DLG2: variants seen among roughly 807,000 people sequenced by gnomAD.
DLG2 encodes the protein disks large homolog 2.
In DLG2, 45 loss-of-function variants were observed where a neutral mutation model predicts 132.5. That is an observed-to-expected ratio of 0.34 (90% confidence interval 0.27 to 0.44). DLG2 has a LOEUF of 0.44. DLG2 is among the 20% of genes least tolerant of loss of function. DLG2 has a pLI of 1.00. For missense variants in DLG2, 1,045 were observed against 1,196.9 expected, an observed-to-expected ratio of 0.87 and a Z score of 1.87; for synonymous variants, 424 against 419.6, an observed-to-expected ratio of 1.01 and a Z score of -0.13.
chr11:85,488,398 AAACAAC>A (rs936702450), intron 3 of DLG2, among the ~76,000 whole-genome samples: 11 of 152,026 alleles, frequency 7.2e-5, no homozygotes, highest in Non-Finnish European at 1.0e-4. Context: ...AAAAAAAAAA[AAACAAC>A]AACAACAACC....
At chr11:85,255,482 T>C (rs2076623153) in intron 4 of DLG2, among the ~76,000 whole-genome samples, 1 of 152,214 alleles carries the variant, frequency 6.6e-6, no homozygotes, top group African/African-American at 2.4e-5. Context: ...AAAGTTCAAA[T>C]ATTTAATTTT....
At chr11:84,282,044 G>A (rs1042562064) in intron 7 of DLG2, among the ~76,000 whole-genome samples, 3 of 152,156 alleles carry the variant, frequency 2.0e-5, no homozygotes, top group Admixed American at 6.6e-5. Flanking sequence ...AAAAGCACAT[G>A]TCTATTCAAA....
chr11:84,995,985 G>A (rs1018880016), intron 6 of DLG2, among the ~76,000 whole-genome samples: 2 of 152,020 alleles, frequency 1.3e-5, no homozygotes, highest in Non-Finnish European at 2.9e-5. Context: ...CTATTGACCA[G>A]CTCAGCTGAC....
chr11:85,254,299 T>C (rs1357447880), intron 4 of DLG2, among the ~76,000 whole-genome samples: 1 of 152,226 alleles, frequency 6.6e-6, no homozygotes, highest in East Asian at 1.9e-4. Flanking sequence ...ATGGAAGACA[T>C]CTACAATCTA....
intron 8 of DLG2, among the ~76,000 whole-genome samples, chr11:84,199,765 A>G (rs1427934445): frequency 6.6e-6 from 1 of 152,120 alleles, no homozygotes; most frequent in African/African-American, 2.4e-5. Flanking sequence ...TCTGAGAGAA[A>G]AAATACTGCA....
At chr11:83,466,636 C>G in intron 26 of DLG2, 72 bp downstream of exon 26, 1 of 753,064 alleles carries the variant, frequency 1.3e-6, no homozygotes. Context: ...CAGCAAAATC[C>G]TGTTAGTAAT....
At chr11:84,617,157 C>G (rs1163644078) in intron 6 of DLG2, among the ~76,000 whole-genome samples, 3 of 151,672 alleles carry the variant, frequency 2.0e-5, no homozygotes, top group Non-Finnish European at 4.4e-5. Context: ...TCAACAGGCC[C>G]TGGTATGTGA....
At chr11:84,907,096 G>A (rs1241343144) in intron 6 of DLG2, among the ~76,000 whole-genome samples, 2 of 152,108 alleles carry the variant, frequency 1.3e-5, no homozygotes, top group Admixed American at 1.3e-4. Flanking sequence ...CTGGAGATGT[G>A]GCATTTAAGG....
chr11:84,356,074 C>T (rs1191692148), intron 7 of DLG2, among the ~76,000 whole-genome samples: 1 of 152,040 alleles, frequency 6.6e-6, no homozygotes, highest in Non-Finnish European at 1.5e-5. Context: ...AGTTTCACAA[C>T]ATCAAAGGGT....
At chr11:85,117,513 T>C (rs371544795) in intron 5 of DLG2, among the ~76,000 whole-genome samples, 3 of 151,792 alleles carry the variant, frequency 2.0e-5, no homozygotes, top group East Asian at 1.9e-4. Flanking sequence ...AAAAACACAA[T>C]TCCAGTTTAA....
At chr11:84,035,141 A>G (rs1190492364) in intron 11 of DLG2, among the ~76,000 whole-genome samples, 1 of 152,072 alleles carries the variant, frequency 6.6e-6, no homozygotes, top group African/African-American at 2.4e-5. Flanking sequence ...TCTGTCCGCT[A>G]AGCCAAGGTC....
intron 5 of DLG2, among the ~76,000 whole-genome samples, chr11:85,148,212 A>T (rs2076989105): frequency 6.6e-6 from 1 of 152,190 alleles, no homozygotes. Flanking sequence ...TGCAATAAAC[A>T]TACATGTGCA....
intron 16 of DLG2, among the ~76,000 whole-genome samples, chr11:83,870,930 T>C (rs973117999): frequency 3.3e-5 from 5 of 152,164 alleles, no homozygotes; most frequent in Non-Finnish European, 7.4e-5. Flanking sequence ...GTCATTCTAA[T>C]AGAATGCAAT....
intron 5 of DLG2, among the ~76,000 whole-genome samples, chr11:85,126,627 C>A (rs1243056697): frequency 6.6e-6 from 1 of 151,994 alleles, no homozygotes; most frequent in Non-Finnish European, 1.5e-5. Flanking sequence ...ACATCAAGCC[C>A]CCTGTTCCAA....
chr11:85,476,391 T>A (rs1232152886), intron 3 of DLG2, among the ~76,000 whole-genome samples: 1 of 152,138 alleles, frequency 6.6e-6, no homozygotes, highest in African/African-American at 2.4e-5. Flanking sequence ...ACTGTAGACT[T>A]TATAAACACT....
intron 3 of DLG2, among the ~76,000 whole-genome samples, chr11:85,489,989 A>C (rs1159359374): frequency 6.6e-6 from 1 of 152,154 alleles, no homozygotes; most frequent in African/African-American, 2.4e-5. Context: ...GGAGTTCAAG[A>C]CTACCTTGGA....
intron 6 of DLG2, among the ~76,000 whole-genome samples, chr11:84,552,844 A>T (rs962080316): frequency 1.3e-5 from 2 of 152,158 alleles, no homozygotes; most frequent in African/African-American, 4.8e-5. Context: ...AAGTTTGGCT[A>T]TATCACTCAC....
chr11:85,123,974 C>G (rs2074754905), intron 5 of DLG2, among the ~76,000 whole-genome samples: 1 of 152,150 alleles, frequency 6.6e-6, no homozygotes. Flanking sequence ...TCCCCATCAC[C>G]ATGACTACAC....
intron 6 of DLG2, among the ~76,000 whole-genome samples, chr11:84,827,022 T>A (rs763001276): frequency 2.0e-5 from 3 of 151,778 alleles, no homozygotes; most frequent in Non-Finnish European, 4.4e-5. Flanking sequence ...ATTTTTTTAC[T>A]ATCTTCAATA....
Sources: allele counts gnomAD v4.1 joint callset (sites outside exome capture counted in the v4.1 genomes callset), GRCh38; gene constraint gnomAD v4.1.1; transcripts MANE v1.5; gene names NCBI Gene and HGNC (gene_info 2026-07-23, HGNC 2026-07-21).